Variants in ADD3 observed in about 807,000 individuals in gnomAD.
The protein encoded by ADD3 is gamma-adducin.
A neutral mutation model predicts 80.2 loss-of-function variants in ADD3; 25 were observed. The observed-to-expected ratio is 0.31, with a 90% confidence interval of 0.23 to 0.44. The LOEUF (loss-of-function observed/expected upper bound fraction) is 0.44. Among genes scored for constraint, ADD3 ranks in the 20% least tolerant of loss-of-function variants. ADD3 has a pLI of 1.00. For synonymous variants in ADD3, 284 were observed against 289.6 expected, an observed-to-expected ratio of 0.98 and a Z score of 0.20; for missense variants, 829 against 847.5, an observed-to-expected ratio of 0.98 and a Z score of 0.27.
chr10:110,010,144 A>G (rs1235582957), intron 1 of ADD3, among the ~76,000 whole-genome samples: 2 of 152,138 alleles, frequency 1.3e-5, no homozygotes, highest in East Asian at 1.9e-4. Flanking sequence ...TTTGAGACCA[A>G]GAGAACATAA....
At chr10:110,116,169 A>G in intron 3 of ADD3, 90 bp from the exon 4 acceptor site, 1 of 1,223,370 alleles carries the variant, frequency 8.2e-7, no homozygotes, top group South Asian at 1.4e-5. Context: ...AGGCTGGGAT[A>G]CTCCCAGACG....
chr10:110,062,566 C>G (rs1047540365), intron 1 of ADD3, among the ~76,000 whole-genome samples: 1 of 152,136 alleles, frequency 6.6e-6, no homozygotes, highest in Non-Finnish European at 1.5e-5. Flanking sequence ...GGCAACAGAG[C>G]AAGACCCTGT....
intron 2 of ADD3, among the ~76,000 whole-genome samples, chr10:110,111,798 A>G (rs1370538647): frequency 3.9e-5 from 6 of 152,078 alleles, no homozygotes; most frequent in Non-Finnish European, 7.4e-5. Flanking sequence ...CTGTAATCCC[A>G]GCTACTCAGG....
chr10:110,109,191 T>C (rs1180544427), intron 2 of ADD3, among the ~76,000 whole-genome samples: 1 of 152,192 alleles, frequency 6.6e-6, no homozygotes, highest in Non-Finnish European at 1.5e-5. Flanking sequence ...CTCACCAGTT[T>C]AATAAATTGT....
chr10:110,110,983 G>C (rs1202658932), intron 2 of ADD3, among the ~76,000 whole-genome samples: 1 of 144,734 alleles, frequency 6.9e-6, no homozygotes, highest in Admixed American at 6.9e-5. Context: ...CAACAGAGCG[G>C]AAAAAAAAAA....
intron 1 of ADD3, among the ~76,000 whole-genome samples, chr10:110,088,174 C>T (rs1847038592): frequency 6.6e-6 from 1 of 152,200 alleles, no homozygotes; most frequent in African/African-American, 2.4e-5. Flanking sequence ...TCTACAAACC[C>T]TATTTTCAAA....
chr10:110,023,626 C>A (rs1378361802), intron 1 of ADD3, among the ~76,000 whole-genome samples: 2 of 152,208 alleles, frequency 1.3e-5, no homozygotes, highest in East Asian at 3.8e-4. Context: ...ACTTGTACTA[C>A]TTAGAAATGA....
chr10:110,130,585 A>G (rs1208681008), intron 13 of ADD3, 99 bp downstream of exon 13: 13 of 1,331,692 alleles, frequency 9.8e-6, no homozygotes, highest in South Asian at 1.4e-5. Flanking sequence ...GCCGGGCACA[A>G]TGGCTCACAC....
chr10:110,030,509 G>C (rs948731428), intron 1 of ADD3, among the ~76,000 whole-genome samples: 4 of 151,280 alleles, frequency 2.6e-5, no homozygotes, highest in Admixed American at 6.6e-5. Flanking sequence ...GTAACCTAGA[G>C]ATTTGTGAGA....
chr10:110,132,819 C>T (rs7922925), intron 14 of ADD3: 2,575 of 156,164 alleles, frequency 0.016, 70 homozygotes, highest in African/African-American at 0.058. Flanking sequence ...CCCAGCTACT[C>T]GGGAGGCTGA....
At chr10:110,073,521 TA>T (rs919498155) in intron 1 of ADD3, among the ~76,000 whole-genome samples, 1 of 152,222 alleles carries the variant, frequency 6.6e-6, no homozygotes, top group Non-Finnish European at 1.5e-5. Flanking sequence ...AATAAGTATG[TA>T]AAGTGCACGG....
intron 1 of ADD3, among the ~76,000 whole-genome samples, chr10:110,084,311 C>T (rs1846430509): frequency 6.6e-6 from 1 of 152,142 alleles, no homozygotes; most frequent in African/African-American, 2.4e-5. Flanking sequence ...TGAGCACATA[C>T]CTAGAAACCC....
At chr10:110,088,813 C>T (rs1847124867) in intron 1 of ADD3, among the ~76,000 whole-genome samples, 1 of 151,814 alleles carries the variant, frequency 6.6e-6, no homozygotes, top group African/African-American at 2.4e-5. Context: ...TTTTTTGTGC[C>T]TTTCCATCCC....
At chr10:110,011,929 T>C (rs768413131) in intron 1 of ADD3, among the ~76,000 whole-genome samples, 3 of 152,264 alleles carry the variant, frequency 2.0e-5, no homozygotes, top group Non-Finnish European at 4.4e-5. Context: ...ATTTTTACTG[T>C]AATTTTTTAC....
chr10:110,036,066 G>A (rs1049865846), intron 1 of ADD3, among the ~76,000 whole-genome samples: 12 of 152,082 alleles, frequency 7.9e-5, no homozygotes, highest in African/African-American at 2.7e-4. Flanking sequence ...CAGGAGAATC[G>A]CTTGAACTCG....
chr10:110,084,440 TTTAG>T (rs1483513674), intron 1 of ADD3, among the ~76,000 whole-genome samples: 4 of 152,202 alleles, frequency 2.6e-5, no homozygotes, highest in African/African-American at 9.7e-5. Context: ...TACCAAAATC[TTTAG>T]TTAAATAAAT....
chr10:110,067,123 T>C (rs1255906593), intron 1 of ADD3, among the ~76,000 whole-genome samples: 3 of 152,202 alleles, frequency 2.0e-5, no homozygotes, highest in Admixed American at 6.5e-5. Context: ...AAAATTCCTG[T>C]AGGAAGATAT....
intron 3 of ADD3, among the ~76,000 whole-genome samples, chr10:110,115,719 GA>G (rs1850649345): frequency 6.6e-6 from 1 of 152,196 alleles, no homozygotes; most frequent in Non-Finnish European, 1.5e-5. Context: ...AGAGGTCAAG[GA>G]GAATGAAGAC....
chr10:110,119,820 T>A (rs1264519756), intron 8 of ADD3: 1 of 349,004 alleles, frequency 2.9e-6, no homozygotes, highest in Non-Finnish European at 5.3e-6. Flanking sequence ...GCTTTTTAAG[T>A]TAGTACAATT....
Sources: gnomAD v4.1 joint callset for allele counts (sites outside exome capture counted in the v4.1 genomes callset) on GRCh38, gnomAD v4.1.1 for gene constraint, MANE v1.5 for transcripts, NCBI Gene and HGNC (gene_info 2026-07-23, HGNC 2026-07-21) for gene names.